The following XXYLT1 variants were observed in gnomAD, a reference collection of about 807,000 sequenced individuals.
The protein encoded by XXYLT1 is xyloside xylosyltransferase 1, also known as UDP-xylose:alpha-xyloside alpha-1,3-xylosyltransferase.
XXYLT1 carries 20 observed loss-of-function variants against 28.9 expected under a neutral mutation model. That is an observed-to-expected ratio of 0.69 (90% CI 0.49 to 1.00). The LOEUF is 1.00. Among genes scored for constraint, XXYLT1 ranks in the 50% least tolerant of loss-of-function variants. The pLI, the probability that XXYLT1 is intolerant of heterozygous loss-of-function variation, is 0.00. For synonymous variants in XXYLT1, 257 were observed against 253.8 expected, an observed-to-expected ratio of 1.01 and a Z score of -0.12; for missense variants, 542 against 560.1, an observed-to-expected ratio of 0.97 and a Z score of 0.33.
At chr3:195,242,386 T>C (rs556416961) in intron 1 of XXYLT1, among the ~76,000 whole-genome samples, 1 of 152,294 alleles carries the variant, frequency 6.6e-6, no homozygotes, top group Non-Finnish European at 1.5e-5. Flanking sequence ...CAGTAGGAGC[T>C]GTTGCCTCAA....
chr3:195,157,497 C>A (rs1449797036), intron 2 of XXYLT1, among the ~76,000 whole-genome samples: 2 of 152,162 alleles, frequency 1.3e-5, no homozygotes, highest in Non-Finnish European at 2.9e-5. Context: ...TTCAATGTCA[C>A]AATCACCTGG....
chr3:195,079,136 C>A (rs1278945473), intron 3 of XXYLT1, among the ~76,000 whole-genome samples: 2 of 152,194 alleles, frequency 1.3e-5, no homozygotes, highest in Admixed American at 1.3e-4. Flanking sequence ...TACATCACTG[C>A]ATGTGAGAAT....
intron 3 of XXYLT1, among the ~76,000 whole-genome samples, chr3:195,142,094 C>T (rs1449292009): frequency 6.6e-6 from 1 of 152,210 alleles, no homozygotes; most frequent in Non-Finnish European, 1.5e-5. Flanking sequence ...CCTCCACAGC[C>T]TCTCTCCCCT....
chr3:195,114,753 T>TGACAA (rs1461907811), intron 3 of XXYLT1, among the ~76,000 whole-genome samples: 1 of 152,218 alleles, frequency 6.6e-6, no homozygotes, highest in African/African-American at 2.4e-5. Context: ...GTGACAAGCT[T>TGACAA]TCGTCAATCA....
intron 2 of XXYLT1, among the ~76,000 whole-genome samples, chr3:195,157,751 G>A (rs1403663007): frequency 6.6e-6 from 1 of 152,218 alleles, no homozygotes; most frequent in Admixed American, 6.5e-5. Flanking sequence ...GGTCCAAAGA[G>A]GGGGCGCATG....
chr3:195,219,129 C>A (rs1459512795), intron 2 of XXYLT1, among the ~76,000 whole-genome samples: 2 of 146,050 alleles, frequency 1.4e-5, no homozygotes, highest in Non-Finnish European at 3.0e-5. Flanking sequence ...ATCACATGGA[C>A]ACAGGAAGGG....
intron 2 of XXYLT1, among the ~76,000 whole-genome samples, chr3:195,166,973 G>A (rs527586913): frequency 6.9e-4 from 104 of 151,586 alleles, no homozygotes; most frequent in African/African-American, 2.4e-3. Context: ...CACCGCGCCC[G>A]GCCATGGGCC....
chr3:195,083,880 T>C (rs7627323), intron 3 of XXYLT1, among the ~76,000 whole-genome samples: 4,714 of 151,980 alleles, frequency 0.031, 216 homozygotes, highest in African/African-American at 0.1. Context: ...ACAAAAATCA[T>C]CCAGGCGCGG....
chr3:195,175,759 G>A, intron 2 of XXYLT1: 1 of 1,526,166 alleles, frequency 6.6e-7, no homozygotes, highest in Non-Finnish European at 8.8e-7. Context: ...CAGGGCCTCA[G>A]CCACTGCTCC....
At chr3:195,245,625 A>G (rs1344696487) in intron 1 of XXYLT1, among the ~76,000 whole-genome samples, 1 of 152,162 alleles carries the variant, frequency 6.6e-6, no homozygotes, top group African/African-American at 2.4e-5. Flanking sequence ...AGAGGATGAT[A>G]TGTGTGTCTC....
chr3:195,179,190 A>T (rs535943628), intron 2 of XXYLT1, among the ~76,000 whole-genome samples: 1 of 152,116 alleles, frequency 6.6e-6, no homozygotes, highest in Admixed American at 6.5e-5. Context: ...AAATACAAAA[A>T]TTAGCTGGGC....
intron 3 of XXYLT1, among the ~76,000 whole-genome samples, chr3:195,074,113 T>A (rs1714983119): frequency 6.6e-6 from 1 of 152,012 alleles, no homozygotes; most frequent in Non-Finnish European, 1.5e-5. Flanking sequence ...CTTTCTCAGC[T>A]CCTCAGGTCG....
At chr3:195,246,885 G>A (rs1196280514) in intron 1 of XXYLT1, among the ~76,000 whole-genome samples, 2 of 152,064 alleles carry the variant, frequency 1.3e-5, no homozygotes, top group South Asian at 2.1e-4. Context: ...GACTCCCGGC[G>A]CCACTCGCCA....
At chr3:195,252,717 C>CAGAGAGAGAGAGAGAGAGAGAGAG (rs1309512804) in intron 1 of XXYLT1, among the ~76,000 whole-genome samples, 1 of 139,492 alleles carries the variant, frequency 7.2e-6, no homozygotes, top group Admixed American at 6.9e-5. Flanking sequence ...CACACACACA[C>CAGAGAGAGAGAGAGAGAGAGAGAG]ACACACACAC....
At chr3:195,205,443 T>C (rs1723030504) in intron 2 of XXYLT1, among the ~76,000 whole-genome samples, 1 of 152,196 alleles carries the variant, frequency 6.6e-6, no homozygotes, top group African/African-American at 2.4e-5. Flanking sequence ...TTGATACACA[T>C]TCTTGAAATA....
intron 3 of XXYLT1, among the ~76,000 whole-genome samples, chr3:195,125,700 A>G (rs1455684369): frequency 1.3e-5 from 2 of 152,264 alleles, no homozygotes; most frequent in East Asian, 1.9e-4. Context: ...TTGATTTTCA[A>G]CTGAAATCTT....
chr3:195,074,938 C>T (rs1336773445), intron 3 of XXYLT1, among the ~76,000 whole-genome samples: 12 of 152,170 alleles, frequency 7.9e-5, no homozygotes, highest in Middle Eastern at 3.2e-3. Context: ...GTCTCCAGCT[C>T]TACTGGACAG....
At position 195,077,992 on chromosome 3, in the gene XXYLT1, C is replaced by T. The variant is rs913021099; in HGVS notation, c.786-7881G>A. ...CTCACCCTCACTCAGTCACATGCAG[C>T]CCCGGAGCCTCGGCCCTGGGAGGGG... On this transcript the variant is annotated intron_variant, in intron 3 of 3. Transcript: ENST00000310380. The surrounding 1 kb of genome is among the most constrained non-coding windows in gnomAD (Gnocchi z 4.8). Among the ~76,000 whole-genome samples the T allele has an allele frequency of 6.6e-6, 1 of 152,118 alleles. No homozygotes were observed. The highest frequency in any genetic ancestry group is 1.9e-4 in the East Asian group (1 of 5,162).
At chr3:195,088,117 C>A (rs914437032) in intron 3 of XXYLT1, among the ~76,000 whole-genome samples, 1 of 151,574 alleles carries the variant, frequency 6.6e-6, no homozygotes, top group Admixed American at 6.6e-5. Context: ...GAGGGGCGCC[C>A]GCCATTGCCC....
Sources: gnomAD v4.1 joint callset for allele counts (sites outside exome capture counted in the v4.1 genomes callset) on GRCh38, gnomAD v4.1.1 for gene constraint, Gnocchi (gnomAD v3.1) non-coding constraint, MANE v1.5 for transcripts, NCBI Gene and HGNC (gene_info 2026-07-23, HGNC 2026-07-21) for gene names.